The following NELL2 variants were observed in gnomAD, a reference collection of about 807,000 sequenced individuals.
NELL2 encodes neural EGFL like 2, also known as protein kinase C-binding protein NELL2.
A neutral mutation model predicts 109.6 loss-of-function variants in NELL2; 41 were observed. The ratio of observed to expected loss-of-function variants is 0.37; its 90% CI spans 0.29 to 0.49. NELL2 has a LOEUF of 0.49. NELL2 is among the 20% of genes least tolerant of loss of function. The pLI, the probability that NELL2 is intolerant of heterozygous loss-of-function variation, is 0.98. For synonymous variants in NELL2, 355 were observed against 344.7 expected (o/e 1.03, Z -0.33); for missense variants, 900 against 1,008.3 (o/e 0.89, Z 1.45).
At position 44,787,717 on chromosome 12, in the gene NELL2, C is replaced by T. The variant is rs1455275694; in HGVS notation, c.336-7695G>A. ...CCAATGGAGAAAAATATAGCTTTTT[C>T]AACAAATGGTGCTGAAGCAACTGAA... On this transcript the variant is annotated intron_variant, in intron 3 of 19. Coordinates refer to ENST00000429094, the MANE Select transcript of NELL2 (RefSeq NM_001145108.2). Among the ~76,000 whole-genome samples, 3 of 151,136 alleles carry T rather than the reference C, an allele frequency of 2.0e-5. No individual in the cohort carries two copies. In the East Asian group the frequency reaches 5.8e-4, roughly 29 times the overall value.
chr12:44,522,280 A>G, intron 17 of NELL2, 104 bp from the exon 18 acceptor site: 4 of 931,438 alleles, frequency 4.3e-6, no homozygotes, highest in South Asian at 4.1e-5. Flanking sequence ...GGAAGTTGAA[A>G]TAATTCACAC....
chr12:44,685,748 C>T (rs1452653259), intron 12 of NELL2, among the ~76,000 whole-genome samples: 2 of 152,308 alleles, frequency 1.3e-5, no homozygotes, highest in South Asian at 2.1e-4. Context: ...TTGGCCCCCA[C>T]TCTCTTCTGG....
At chr12:44,552,117 G>C (rs549489764) in intron 15 of NELL2, among the ~76,000 whole-genome samples, 1 of 152,302 alleles carries the variant, frequency 6.6e-6, no homozygotes, top group East Asian at 1.9e-4. Context: ...GGGATGCAAA[G>C]TAAGGCAAAT....
chr12:44,628,149 C>G (rs190211389), intron 13 of NELL2, among the ~76,000 whole-genome samples: 176 of 152,282 alleles, frequency 1.2e-3, no homozygotes, highest in African/African-American at 3.7e-3. Flanking sequence ...ATCGTATCTT[C>G]ACACACAGAT....
chr12:44,683,086 T>C (rs1394745679), intron 12 of NELL2, among the ~76,000 whole-genome samples: 2 of 152,216 alleles, frequency 1.3e-5, no homozygotes, highest in Admixed American at 6.5e-5. Context: ...GTATCCTCTT[T>C]TATTTCATTG....
chr12:44,760,801 T>C (rs868468206), intron 9 of NELL2, among the ~76,000 whole-genome samples: 2 of 152,136 alleles, frequency 1.3e-5, no homozygotes, highest in African/African-American at 2.4e-5. Context: ...AGAGGCTGGA[T>C]AGTAAATATT....
intron 13 of NELL2, among the ~76,000 whole-genome samples, chr12:44,652,653 C>A (rs895552753): frequency 1.3e-5 from 2 of 152,136 alleles, no homozygotes; most frequent in African/African-American, 2.4e-5. Flanking sequence ...ATGGACAAGT[C>A]AACAGTGTTA....
chr12:44,558,724 G>A (rs979532970), intron 15 of NELL2, among the ~76,000 whole-genome samples: 9 of 152,144 alleles, frequency 5.9e-5, no homozygotes, highest in Non-Finnish European at 1.2e-4. Flanking sequence ...AGGGCCCTGG[G>A]TTTCAAGCGC....
intron 1 of NELL2, among the ~76,000 whole-genome samples, chr12:44,905,731 C>T (rs1945712080): frequency 6.6e-6 from 1 of 151,978 alleles, no homozygotes; most frequent in Admixed American, 6.6e-5. Flanking sequence ...ATAAATCATC[C>T]ACCATCTGAC....
intron 12 of NELL2, 144 bp downstream of exon 12, chr12:44,703,582 T>A (rs1228272038): frequency 2.4e-6 from 2 of 819,126 alleles, no homozygotes; most frequent in Admixed American, 5.6e-5. Context: ...AAGATAATTA[T>A]TTTTAGCTGA....
chr12:44,645,196 A>G (rs1340944897), intron 13 of NELL2, among the ~76,000 whole-genome samples: 1 of 152,102 alleles, frequency 6.6e-6, no homozygotes, highest in Non-Finnish European at 1.5e-5. Flanking sequence ...TAGGAGAGGG[A>G]GGGAGGGGAC....
chr12:44,718,644 G>A (rs775529827), intron 9 of NELL2, among the ~76,000 whole-genome samples: 4 of 152,122 alleles, frequency 2.6e-5, no homozygotes, highest in African/African-American at 4.8e-5. Context: ...AAAAGTCTAT[G>A]CTGAGTGATT....
chr12:44,742,815 C>T (rs536803608), intron 9 of NELL2, among the ~76,000 whole-genome samples: 67 of 152,274 alleles, frequency 4.4e-4, no homozygotes, highest in Non-Finnish European at 8.7e-4. Flanking sequence ...AAGACCAAAT[C>T]TACGTCTGAT....
At chr12:44,812,462 C>A (rs1195098358) in intron 3 of NELL2, among the ~76,000 whole-genome samples, 6 of 152,098 alleles carry the variant, frequency 3.9e-5, no homozygotes, top group Admixed American at 2.0e-4. Flanking sequence ...GTTGAATTAT[C>A]CTAATTATTT....
intron 12 of NELL2, among the ~76,000 whole-genome samples, chr12:44,693,276 T>C (rs1382758783): frequency 1.3e-5 from 2 of 152,180 alleles, no homozygotes; most frequent in Non-Finnish European, 2.9e-5. Context: ...GTAAAATATG[T>C]TTAAATTAAG....
intron 15 of NELL2, among the ~76,000 whole-genome samples, chr12:44,562,822 T>C (rs1943515955): frequency 6.6e-6 from 1 of 152,358 alleles, no homozygotes; most frequent in Non-Finnish European, 1.5e-5. Context: ...ACTGGGCATA[T>C]ACCCAAAGGA....
chr12:44,553,073 A>G (rs1286984558), intron 15 of NELL2, among the ~76,000 whole-genome samples: 2 of 133,556 alleles, frequency 1.5e-5, no homozygotes, highest in Admixed American at 8.8e-5. Flanking sequence ...GAACAATGAG[A>G]TCACATGGAC....
At chr12:44,712,937 G>A (rs184705511) in intron 10 of NELL2, among the ~76,000 whole-genome samples, 1 of 151,924 alleles carries the variant, frequency 6.6e-6, no homozygotes, top group African/African-American at 2.4e-5. Flanking sequence ...GGATGGTGCA[G>A]CATTAGAAGG....
chr12:44,710,554 G>C (rs928095865), intron 11 of NELL2, among the ~76,000 whole-genome samples: 3 of 152,104 alleles, frequency 2.0e-5, no homozygotes, highest in African/African-American at 7.2e-5. Context: ...ATCTTAAAGA[G>C]TTCCATATAA....
Sources: allele counts gnomAD v4.1 joint callset (sites outside exome capture counted in the v4.1 genomes callset), GRCh38; gene constraint gnomAD v4.1.1; transcripts MANE v1.5; gene names NCBI Gene and HGNC (gene_info 2026-07-23, HGNC 2026-07-21).